EPHB2: variants seen among roughly 807,000 people sequenced by gnomAD.
EPHB2 encodes the protein ephrin type-B receptor 2.
A neutral mutation model predicts 96.4 loss-of-function variants in EPHB2; 18 were observed. The ratio of observed to expected loss-of-function variants is 0.19; its 90% CI spans 0.13 to 0.28. The LOEUF (loss-of-function observed/expected upper bound fraction) is 0.28, where lower values mean the gene tolerates loss of function less well. Among genes scored for constraint, EPHB2 ranks in the 10% least tolerant of loss-of-function variants. The pLI is 1.00. For missense variants in EPHB2, 989 were observed against 1,355.4 expected, an observed-to-expected ratio of 0.73 and a Z score of 4.25; for synonymous variants, 506 against 534.1, an observed-to-expected ratio of 0.95 and a Z score of 0.72.
At chr1:22,807,510 C>A (rs1028019994) in intron 3 of EPHB2, among the ~76,000 whole-genome samples, 7 of 152,182 alleles carry the variant, frequency 4.6e-5, no homozygotes, top group African/African-American at 1.7e-4. Context: ...AGGAGCCCAG[C>A]CTCCTAGAAG....
At chr1:22,827,768 A>C (rs750317784) in intron 3 of EPHB2, among the ~76,000 whole-genome samples, 1 of 152,236 alleles carries the variant, frequency 6.6e-6, no homozygotes, top group Non-Finnish European at 1.5e-5. Context: ...TCTGAGTGCT[A>C]CCTGCTAACC....
chr1:22,711,737 G>T (rs900219484), intron 1 of EPHB2, among the ~76,000 whole-genome samples: 14 of 152,122 alleles, frequency 9.2e-5, no homozygotes, highest in African/African-American at 2.4e-4. Flanking sequence ...CGGCCGCGGC[G>T]CTCAGCGTGG....
chr1:22,737,598 C>T (rs1243817386), intron 1 of EPHB2, among the ~76,000 whole-genome samples: 1 of 152,166 alleles, frequency 6.6e-6, no homozygotes, highest in Non-Finnish European at 1.5e-5. Context: ...TTGGTATATC[C>T]TTCTTTGTAC....
chr1:22,842,582 CA>C (rs35994981), intron 3 of EPHB2, among the ~76,000 whole-genome samples: 1 of 152,166 alleles, frequency 6.6e-6, no homozygotes, highest in Admixed American at 6.5e-5. Flanking sequence ...CCAGCCCCAC[CA>C]AAACCCTCCC....
At chr1:22,753,282 G>A (rs1644092862) in intron 1 of EPHB2, among the ~76,000 whole-genome samples, 1 of 152,196 alleles carries the variant, frequency 6.6e-6, no homozygotes, top group African/African-American at 2.4e-5. Flanking sequence ...TGCCTCATCT[G>A]TAAAATGGGG....
intron 1 of EPHB2, chr1:22,775,297 A>G (rs1644434894): frequency 1.3e-6 from 1 of 777,880 alleles, no homozygotes; most frequent in South Asian, 1.3e-5. Flanking sequence ...GGGGTTAATA[A>G]TAGTATATAC....
intron 1 of EPHB2, among the ~76,000 whole-genome samples, chr1:22,764,068 G>T (rs1644272309): frequency 6.6e-6 from 1 of 152,148 alleles, no homozygotes; most frequent in Admixed American, 6.5e-5. Flanking sequence ...CATTTGCAAA[G>T]TCCCTGTTGC....
chr1:22,864,552 G>C (rs1376656892), intron 4 of EPHB2, among the ~76,000 whole-genome samples: 1 of 152,218 alleles, frequency 6.6e-6, no homozygotes. Context: ...CTTTTAGCTG[G>C]ACATATTGCC....
At chr1:22,825,103 C>G (rs543849188) in intron 3 of EPHB2, among the ~76,000 whole-genome samples, 240 of 152,362 alleles carry the variant, frequency 1.6e-3, no homozygotes, top group Non-Finnish European at 1.7e-3. Context: ...GTAAACTGAC[C>G]ATACTTTCTG....
chr1:22,776,314 G>A (rs185537378), intron 1 of EPHB2, among the ~76,000 whole-genome samples: 15 of 152,238 alleles, frequency 9.9e-5, no homozygotes, highest in East Asian at 1.9e-4. Flanking sequence ...CAGGCGTCAC[G>A]TTCTCCTGGA....
intron 4 of EPHB2, among the ~76,000 whole-genome samples, chr1:22,864,319 T>C (rs1638392847): frequency 6.7e-6 from 1 of 148,452 alleles, no homozygotes; most frequent in African/African-American, 2.6e-5. Context: ...GTGCTGGGAT[T>C]ACAGGTGTTA....
intron 7 of EPHB2, among the ~76,000 whole-genome samples, chr1:22,894,531 A>T (rs1250657123): frequency 1.3e-5 from 2 of 151,172 alleles, no homozygotes; most frequent in African/African-American, 2.4e-5. Context: ...CGGGAAGCAG[A>T]GGTTGCAGTG....
At chr1:22,886,045 A>T (rs1444783467) in intron 6 of EPHB2, among the ~76,000 whole-genome samples, 1 of 152,164 alleles carries the variant, frequency 6.6e-6, no homozygotes, top group Non-Finnish European at 1.5e-5. Context: ...AAAGAGTCAG[A>T]CACTGAGAGC....
At chr1:22,824,411 A>G (rs1645194717) in intron 3 of EPHB2, among the ~76,000 whole-genome samples, 1 of 152,226 alleles carries the variant, frequency 6.6e-6, no homozygotes, top group South Asian at 2.1e-4. Context: ...GCTGGCTTAC[A>G]GAGCAGGTAA....
In EPHB2 at chr1:22,803,919, A is replaced by AG. The variant is rs978563180; in HGVS notation, c.811+18843_811+18844insG. On this transcript the variant is annotated intron_variant, in intron 3 of 15. Transcript: ENST00000374630. ...ACAGAGTGAGACCCTGTCTCAAGAG[A>AG]AAAAAAAAAAGTGTTTAGAGATAGT... 3.8e-3 allele frequency among the ~76,000 whole-genome samples: 14 copies of AG among 3,674 alleles called. No homozygotes were observed. In the Non-Finnish European group the frequency reaches 0.46, roughly 122 times the overall value. The allele number at this position is 3,674 out of a possible 152,430, so 2.4% of individuals were successfully genotyped here. A position where few individuals can be genotyped will look rare whatever the true frequency, so the allele number is the denominator to read the frequency against.
At chr1:22,783,320 A>G (rs1040048882) in intron 2 of EPHB2, among the ~76,000 whole-genome samples, 1 of 152,152 alleles carries the variant, frequency 6.6e-6, no homozygotes, top group Non-Finnish European at 1.5e-5. Context: ...TGGATAGGAG[A>G]GGGGACTCTG....
chr1:22,920,205 G>A lies in EPHB2; in HGVS notation c.*6635G>A, dbSNP rs1315491999. ...AAGGGGCTGGCTGTTCCAGGCTACA[G>A]CTGAGTAAAGCCCCACACAGGCCAC... is the stretch of plus-strand genomic sequence containing the variant. On this transcript the variant is annotated 3_prime_UTR_variant, in exon 16 of 16. Coordinates refer to ENST00000374630, the MANE Select transcript of EPHB2 (RefSeq NM_017449.5). 3.3e-5 allele frequency: 5 copies of A among 152,294 alleles called. No homozygotes were observed. Among genetic ancestry groups the A allele is most frequent in the African/African-American group, 1.2e-4 (5 of 41,448 alleles). 9.4% of individuals were successfully genotyped at this position (152,294 alleles called of 1,614,324 possible). A position where few individuals can be genotyped will look rare whatever the true frequency, so the allele number is the denominator to read the frequency against.
At position 22,891,165 on chromosome 1, in the gene EPHB2, T is replaced by C. The variant is rs78100479; in HGVS notation, c.1429-1719T>C. ...GAGAAGTTAAGGAACTTGCCCAAGG[T>C]CACAGAGGTCATATATACTAGAGCC... On this transcript the variant is annotated intron_variant, in intron 6 of 15. Coordinates refer to ENST00000374630, the MANE Select transcript of EPHB2 (RefSeq NM_017449.5). 514 of 456,042 alleles carry C rather than the reference T, an allele frequency of 1.1e-3. 3 individuals are homozygous for C. Among genetic ancestry groups the C allele is most frequent in the African/African-American group, 9.3e-3 (469 of 50,174 alleles). The allele number at this position is 456,042 out of a possible 1,614,324, so 28.2% of individuals were successfully genotyped here. A position where few individuals can be genotyped will look rare whatever the true frequency, so the allele number is the denominator to read the frequency against.
At chr1:22,885,805 G>T (rs770598884) in intron 6 of EPHB2, among the ~76,000 whole-genome samples, 3 of 152,172 alleles carry the variant, frequency 2.0e-5, no homozygotes, top group Non-Finnish European at 4.4e-5. Context: ...GGCTGAAGGT[G>T]TGACAGCCTG....
Sources: gnomAD v4.1 joint callset for allele counts (sites outside exome capture counted in the v4.1 genomes callset) on GRCh38, gnomAD v4.1.1 for gene constraint, MANE v1.5 for transcripts, NCBI Gene and HGNC (gene_info 2026-07-23, HGNC 2026-07-21) for gene names.